The following FSTL5 variants were observed in gnomAD, a reference collection of about 807,000 sequenced individuals.
The protein encoded by FSTL5 is follistatin like 5, also known as follistatin-related protein 5.
In FSTL5, 62 loss-of-function variants were observed where a neutral mutation model predicts 89.1. The ratio of observed to expected loss-of-function variants is 0.70; its 90% CI spans 0.57 to 0.86. The LOEUF (loss-of-function observed/expected upper bound fraction) is 0.86, where lower values mean the gene tolerates loss of function less well. FSTL5 is among the 40% of genes least tolerant of loss of function. The pLI is 0.00. For synonymous variants in FSTL5, 383 were observed against 346.2 expected, an observed-to-expected ratio of 1.11 and a Z score of -1.18; for missense variants, 1,057 against 1,001.6, an observed-to-expected ratio of 1.06 and a Z score of -0.75.
intron 6 of FSTL5, among the ~76,000 whole-genome samples, chr4:161,736,390 CAAA>C (rs974141303): frequency 5.9e-5 from 9 of 151,810 alleles, no homozygotes; most frequent in African/African-American, 2.2e-4. Flanking sequence ...ATGAAGGTCC[CAAA>C]ACAGCGATTT....
At chr4:161,418,223 G>T (rs1382583074) in intron 15 of FSTL5, among the ~76,000 whole-genome samples, 1 of 152,056 alleles carries the variant, frequency 6.6e-6, no homozygotes, top group African/African-American at 2.4e-5. Flanking sequence ...TCCATGGCTG[G>T]TTCCTCCCTT....
intron 6 of FSTL5, among the ~76,000 whole-genome samples, chr4:161,739,415 A>C (rs529886678): frequency 5.3e-5 from 8 of 152,044 alleles, no homozygotes; most frequent in Non-Finnish European, 1.0e-4. Flanking sequence ...TGAGATAACA[A>C]ATTTCTGTTG....
At chr4:162,114,068 A>G (rs1331963645) in intron 1 of FSTL5, among the ~76,000 whole-genome samples, 1 of 152,186 alleles carries the variant, frequency 6.6e-6, no homozygotes, top group East Asian at 1.9e-4. Context: ...TAAAATAAAG[A>G]TCATGTTTCC....
chr4:161,759,340 A>C (rs1189351730), intron 6 of FSTL5, 71 bp downstream of exon 6: 2 of 1,420,338 alleles, frequency 1.4e-6, no homozygotes, highest in Admixed American at 2.5e-5. Flanking sequence ...GAGAGCAAGC[A>C]AATAGACCAT....
intron 8 of FSTL5, among the ~76,000 whole-genome samples, chr4:161,574,117 G>A (rs2126590115): frequency 6.6e-6 from 1 of 152,074 alleles, no homozygotes; most frequent in East Asian, 1.9e-4. Flanking sequence ...ATCTGATGAG[G>A]ACCCTTATAA....
At chr4:161,517,711 C>T (rs570856519) in intron 10 of FSTL5, among the ~76,000 whole-genome samples, 50 of 152,088 alleles carry the variant, frequency 3.3e-4, no homozygotes, top group Non-Finnish European at 5.6e-4. Flanking sequence ...GTGTAAATTG[C>T]CTGAATTTTA....
chr4:162,024,814 T>A (rs2111168422), intron 3 of FSTL5, among the ~76,000 whole-genome samples: 1 of 152,126 alleles, frequency 6.6e-6, no homozygotes, highest in South Asian at 2.1e-4. Context: ...CATGCTAGGC[T>A]AATTTTTTTT....
At chr4:161,824,789 T>C (rs952034674) in intron 4 of FSTL5, among the ~76,000 whole-genome samples, 3 of 152,208 alleles carry the variant, frequency 2.0e-5, no homozygotes, top group African/African-American at 4.8e-5. Context: ...ATTAATTTTG[T>C]ATCATAAAAC....
At chr4:161,401,803 A>G (rs927104699) in intron 15 of FSTL5, among the ~76,000 whole-genome samples, 5 of 152,172 alleles carry the variant, frequency 3.3e-5, no homozygotes. Context: ...CTGGGATTAC[A>G]GGCATGAGCC....
rs557020941 is a variant in FSTL5, at chr4:161,528,556, G to C, written c.1312+9610C>G. On this transcript the variant is annotated intron_variant, in intron 10 of 15. Coordinates refer to ENST00000306100, the MANE Select transcript of FSTL5 (RefSeq NM_020116.5). ...GGCACAGAGTTAATAGAAATATATGGCATAAATTAGACTTCACAAAACTTT... is the reference window on the plus strand; with the variant it reads ...GGCACAGAGTTAATAGAAATATATGCCATAAATTAGACTTCACAAAACTTT... 7.7e-5 allele frequency among the ~76,000 whole-genome samples: 11 copies of C among 142,516 alleles called. 2 individuals are homozygous for C. In the East Asian group the frequency reaches 2.7e-3, roughly 35 times the overall value. 93.5% of individuals were successfully genotyped at this position (142,516 alleles called of 152,430 possible).
intron 6 of FSTL5, among the ~76,000 whole-genome samples, chr4:161,672,382 G>A (rs1427208998): frequency 2.0e-5 from 3 of 152,042 alleles, no homozygotes; most frequent in East Asian, 1.9e-4. Flanking sequence ...GGAAGACAAC[G>A]CCCCATCTCA....
intron 4 of FSTL5, among the ~76,000 whole-genome samples, chr4:161,813,876 T>C (rs1174404827): frequency 2.0e-5 from 3 of 152,158 alleles, no homozygotes; most frequent in East Asian, 3.8e-4. Context: ...TATTTTATAA[T>C]AGTTCTGTGT....
chr4:161,640,593 G>C (rs917946295), intron 7 of FSTL5, among the ~76,000 whole-genome samples: 4 of 152,134 alleles, frequency 2.6e-5, no homozygotes, highest in Non-Finnish European at 4.4e-5. Context: ...TTGAACCTAA[G>C]ATAGTAGTAA....
intron 3 of FSTL5, among the ~76,000 whole-genome samples, chr4:161,938,068 T>C (rs1008119791): frequency 2.0e-5 from 3 of 152,152 alleles, no homozygotes; most frequent in African/African-American, 7.2e-5. Flanking sequence ...TACATCACTT[T>C]AATATTAAAG....
intron 10 of FSTL5, among the ~76,000 whole-genome samples, chr4:161,520,144 T>A (rs1730974901): frequency 6.6e-6 from 1 of 151,998 alleles, no homozygotes; most frequent in South Asian, 2.1e-4. Flanking sequence ...AGAAGTAGAC[T>A]ACTTAGATAT....
intron 7 of FSTL5, among the ~76,000 whole-genome samples, chr4:161,631,371 A>G (rs1735501578): frequency 6.6e-6 from 1 of 152,184 alleles, no homozygotes; most frequent in African/African-American, 2.4e-5. Flanking sequence ...TAATCCTAGC[A>G]TTTTGGGAGG....
intron 5 of FSTL5, among the ~76,000 whole-genome samples, chr4:161,763,295 T>C (rs1740873491): frequency 6.6e-6 from 1 of 152,058 alleles, no homozygotes; most frequent in Non-Finnish European, 1.5e-5. Context: ...AATATATATA[T>C]TTTGCCATAG....
rs189619110 is a variant in FSTL5 at position 161,619,616 on chromosome 4, C to G, written c.895-32041G>C. ...CTCACCATCACTGGCTATCAGAGAA[C>G]TGCAAATCAAAACCACAATGAGATA... On this transcript the variant is annotated intron_variant, in intron 7 of 15. Coordinates refer to ENST00000306100, the MANE Select transcript of FSTL5 (RefSeq NM_020116.5). Among the ~76,000 whole-genome samples the G allele has an allele frequency of 6.2e-3, 940 of 152,222 alleles. 8 individuals carry two copies. The highest frequency in any genetic ancestry group is 0.017 in the African/African-American group (721 of 41,542).
At chr4:161,472,078 G>C (rs1057287373) in intron 13 of FSTL5, among the ~76,000 whole-genome samples, 3 of 151,006 alleles carry the variant, frequency 2.0e-5, no homozygotes, top group Non-Finnish European at 2.9e-5. Flanking sequence ...CCGGGTTCAC[G>C]CCATTCTCCT....
Sources: gnomAD v4.1 joint callset for allele counts (sites outside exome capture counted in the v4.1 genomes callset) on GRCh38, gnomAD v4.1.1 for gene constraint, MANE v1.5 for transcripts, NCBI Gene and HGNC (gene_info 2026-07-23, HGNC 2026-07-21) for gene names.